MDH2: variants seen among roughly 807,000 people sequenced by gnomAD.
The protein encoded by MDH2 is malate dehydrogenase, mitochondrial.
In MDH2, 25 loss-of-function variants were observed where a neutral mutation model predicts 33.6. The observed-to-expected ratio is 0.74, with a 90% CI of 0.54 to 1.04. The LOEUF is 1.04. Ranked by LOEUF, MDH2 falls within the 50% of genes least tolerant of loss-of-function variation. The pLI is 0.00. For synonymous variants in MDH2, 193 were observed against 188.7 expected (o/e 1.02, Z -0.19); for missense variants, 432 against 445.0 (o/e 0.97, Z 0.26).
chr7:76,052,504 C>T (rs1164988078), intron 1 of MDH2, among the ~76,000 whole-genome samples: 1 of 150,974 alleles, frequency 6.6e-6, no homozygotes, highest in African/African-American at 2.4e-5. Context: ...TTGTCTTGGC[C>T]ACTCCCCTGT....
chr7:76,066,387 G>T lies in MDH2; in HGVS notation c.994G>T (p.Asp332Tyr). The part of the protein sequence containing the change: ...ELKASIKKGE[D>Y]FVKTLK Reference sequence around the variant, plus strand: ...GAAGGCCTCCATCAAGAAGGGGGAAGATTTCGTGAAGACCCTGAAGTGAGC... The same window carrying T: ...GAAGGCCTCCATCAAGAAGGGGGAATATTTCGTGAAGACCCTGAAGTGAGC... The change falls in exon 9 of 9, where the codon GAT (aspartate) becomes TAT (tyrosine). Residue 332 changes from aspartate to tyrosine, a missense_variant. Transcript: ENST00000315758. 6.2e-7 allele frequency: 1 copy of T among 1,612,054 alleles called. No individual in the cohort carries two copies.
rs1273331039 is a variant in MDH2, at chr7:76,055,140, C to T, written c.235+142C>T. 1.8e-5 allele frequency: 18 copies of T among 973,730 alleles called. No individual in the cohort carries two copies. In the East Asian group the frequency reaches 2.0e-4, roughly 11 times the overall value. The allele number at this position is 973,730 out of a possible 1,614,324, so 60.3% of individuals were successfully genotyped here. A position where few individuals can be genotyped will look rare whatever the true frequency, so the allele number is the denominator to read the frequency against. ...TAAATTTAAATTTTACAAGTGATTA[C>T]ACCCTTTTAGACTTGGCGTCTATAA... On this transcript the variant is annotated intron_variant, in intron 2 of 8. Coordinates refer to ENST00000315758, the MANE Select transcript of MDH2 (RefSeq NM_005918.4).
At chr7:76,063,770 G>A (rs1255242296) in intron 6 of MDH2, among the ~76,000 whole-genome samples, 178 bp downstream of exon 6, 2 of 152,244 alleles carry the variant, frequency 1.3e-5, no homozygotes, top group African/African-American at 4.8e-5. Flanking sequence ...TGGAGCGAAT[G>A]TGGGTGGAAG....
intron 8 of MDH2, among the ~76,000 whole-genome samples, 189 bp from the exon 9 acceptor site, chr7:76,066,090 C>G (rs544170229): frequency 2.6e-5 from 4 of 152,240 alleles, no homozygotes; most frequent in Non-Finnish European, 5.9e-5. Context: ...CACCCTCTGG[C>G]TCTGAGCCTC....
rs1797817469 is a variant in MDH2 at position 76,057,453 on chromosome 7, T to C, written c.279T>C (p.Cys93=). The change falls in exon 3 of 9, where the codon TGT becomes TGC. Residue 93 remains cysteine (C), a synonymous_variant. Coordinates refer to ENST00000315758, the MANE Select transcript of MDH2 (RefSeq NM_005918.4). ...PEQLPDCLKG[C]DVVVIPAGVP... is the part of the protein sequence containing the mutation. Reference sequence around the variant, plus strand: ...AGCTGCCTGACTGCCTGAAAGGTTGTGATGTGGTAGTTATTCCGGCTGGAG... The same window carrying C: ...AGCTGCCTGACTGCCTGAAAGGTTGCGATGTGGTAGTTATTCCGGCTGGAG... The C allele has an allele frequency of 2.5e-6, 4 of 1,614,016 alleles. No individual in the cohort carries two copies. In the African/African-American group the frequency reaches 4.0e-5, roughly 16 times the overall value.
chr7:76,066,969 T>A lies in MDH2; in HGVS notation c.*559T>A, dbSNP rs1554588047. On this transcript the variant is annotated 3_prime_UTR_variant, in exon 9 of 9. Coordinates refer to ENST00000315758, the MANE Select transcript of MDH2 (RefSeq NM_005918.4). ...CTACTGACCTCTGTCCCCCTTGGGA[T>A]TTCATCTTCTGACCGAACCCTGATG... is the stretch of plus-strand genomic sequence containing the variant. 1 of 152,222 alleles carries A rather than the reference T, an allele frequency of 6.6e-6. No homozygotes were observed. Among genetic ancestry groups the A allele is most frequent in the Admixed American group, 6.5e-5 (1 of 15,272 alleles). 9.4% of individuals were successfully genotyped at this position (152,222 alleles called of 1,614,324 possible).
chr7:76,061,327 G>A (rs1000405232), intron 5 of MDH2, among the ~76,000 whole-genome samples: 13 of 152,184 alleles, frequency 8.5e-5, no homozygotes, highest in Admixed American at 6.5e-5. Context: ...ATCTGCTTCT[G>A]AGGAGTTAGA....
rs541829210 is a variant in MDH2, at chr7:76,053,686, C to T, written c.67-1144C>T. Reference sequence around the variant, plus strand: ...TGCTGTCAGGCCCCAGATGACCACACACGGTGCCGAGAGTTCCCGTGTCTG... The same window carrying T: ...TGCTGTCAGGCCCCAGATGACCACATACGGTGCCGAGAGTTCCCGTGTCTG... On this transcript the variant is annotated intron_variant, in intron 1 of 8. Coordinates refer to ENST00000315758, the MANE Select transcript of MDH2 (RefSeq NM_005918.4). 1.3e-3 allele frequency among the ~76,000 whole-genome samples: 201 copies of T among 152,286 alleles called. 1 individual carries two copies. In the Middle Eastern group the frequency reaches 0.017, roughly 13 times the overall value.
rs577854529 is a variant in MDH2 at position 76,053,276 on chromosome 7, GTT to G, written c.67-1552_67-1551del. Among the ~76,000 whole-genome samples the G allele has an allele frequency of 5.4e-3, 817 of 152,270 alleles. 6 individuals carry two copies. Among genetic ancestry groups the G allele is most frequent in the Non-Finnish European group, 8.7e-3 (593 of 68,022 alleles). On this transcript the variant is annotated intron_variant, in intron 1 of 8. Transcript: ENST00000315758. ...GGGGGCAGGATAAATGGACAGTTGA[GTT>G]TGTGGAACCCATGGAACGCCTAACA... is the stretch of plus-strand genomic sequence containing the variant.
chr7:76,060,030 G>T (rs370605201), intron 4 of MDH2, among the ~76,000 whole-genome samples: 1 of 152,152 alleles, frequency 6.6e-6, no homozygotes, highest in Admixed American at 6.5e-5. Context: ...GCACACAGCC[G>T]CTGTGCACTG....
At position 76,054,769 on chromosome 7, in the gene MDH2, C is replaced by CTATA; in HGVS notation, c.67-61_67-60insTATA. 1.9e-6 allele frequency: 3 copies of CTATA among 1,587,604 alleles called. No individual in the cohort carries two copies. In the Admixed American group the frequency reaches 5.0e-5, roughly 27 times the overall value. The stretch of plus-strand genomic sequence containing the variant: ...GGCCCAGTGCAACATTATAGGATAC[C>CTATA]ATGTGAATCCTTTTCATGCTCATTT... On this transcript the variant is annotated intron_variant, in intron 1 of 8. Transcript: ENST00000315758.
At chr7:76,065,433 G>A (rs1357702692) in intron 8 of MDH2, among the ~76,000 whole-genome samples, 1 of 152,130 alleles carries the variant, frequency 6.6e-6, no homozygotes, top group African/African-American at 2.4e-5. Flanking sequence ...TCTCACCTGT[G>A]GGCAGAAATG....
Position 76,058,022 on chromosome 7 carries a change from A to T in MDH2, c.373A>T (p.Thr125Ser), listed in dbSNP as rs1554586518. 6.2e-7 allele frequency: 1 copy of T among 1,613,974 alleles called. No individual in the cohort carries two copies. Among genetic ancestry groups the T allele is most frequent in the Non-Finnish European group, 8.5e-7 (1 of 1,180,032 alleles). ...CAATGCCACGATTGTGGCCACCCTG[A>T]CCGCTGCCTGTGCCCAGCACTGCCC... Reference protein sequence around the residue: ...NTNATIVATLTAACAQHCPEA... With the variant: ...NTNATIVATLSAACAQHCPEA... Residue 125 changes from threonine (T) to serine (S), a missense_variant, in exon 4 of 9, where the codon ACC becomes TCC. By Grantham distance (58) the Thr-to-Ser change is moderately conservative (BLOSUM62 1). Coordinates refer to ENST00000315758, the MANE Select transcript of MDH2 (RefSeq NM_005918.4).
intron 3 of MDH2, 99 bp downstream of exon 3, chr7:76,057,592 G>A (rs782806705): frequency 3.3e-5 from 42 of 1,258,652 alleles, no homozygotes; most frequent in Non-Finnish European, 4.2e-5. Context: ...TTGCTTTGTT[G>A]TAGGAAAAAT....
chr7:76,050,594 GC>G (rs1554585274), intron 1 of MDH2, among the ~76,000 whole-genome samples: 3 of 152,186 alleles, frequency 2.0e-5, no homozygotes. Context: ...AAATGGGGCG[GC>G]CAGTTGAGGG....
chr7:76,052,430 CA>C (rs57185949), intron 1 of MDH2, among the ~76,000 whole-genome samples: 10 of 128,750 alleles, frequency 7.8e-5, no homozygotes, highest in African/African-American at 2.3e-4. Context: ...GACCCTATCT[CA>C]AAAAAAAAAA....
At chr7:76,053,670 G>A (rs6949043) in intron 1 of MDH2, among the ~76,000 whole-genome samples, 83 of 152,162 alleles carry the variant, frequency 5.5e-4, no homozygotes, top group African/African-American at 1.9e-3. Flanking sequence ...ATGCTGTCAG[G>A]CCCCAGATGA....
rs570971599 is a variant in MDH2 at position 76,050,207 on chromosome 7, TTTAG to T, written c.66+1983_66+1986del. ...ACGACAGCTGGGTAATTTTTGTAGT[TTTAG>T]TAGAGATGGGGTTTCACCATGTTGG... On this transcript the variant is annotated intron_variant, in intron 1 of 8. Coordinates refer to ENST00000315758, the MANE Select transcript of MDH2 (RefSeq NM_005918.4). 4.5e-3 allele frequency among the ~76,000 whole-genome samples: 683 copies of T among 152,220 alleles called. 2 individuals carry two copies. The highest frequency in any genetic ancestry group is 9.4e-3 in the Admixed American group (143 of 15,288).
At chr7:76,049,831 C>T (rs1032717257) in intron 1 of MDH2, among the ~76,000 whole-genome samples, 1 of 151,956 alleles carries the variant, frequency 6.6e-6, no homozygotes, top group African/African-American at 2.4e-5. Flanking sequence ...AAGAGGGTAC[C>T]AATTTTATTT....
Sources: gnomAD v4.1 joint callset for allele counts (sites outside exome capture counted in the v4.1 genomes callset) on GRCh38, gnomAD v4.1.1 for gene constraint, MANE v1.5 for transcripts, NCBI Gene and HGNC (gene_info 2026-07-23, HGNC 2026-07-21) for gene names.